ABCD2: variants seen among roughly 807,000 people sequenced by gnomAD.
ABCD2 encodes ATP-binding cassette sub-family D member 2.
A neutral mutation model predicts 70.9 loss-of-function variants in ABCD2; 36 were observed. The ratio of observed to expected loss-of-function variants is 0.51; its 90% CI spans 0.39 to 0.67. The LOEUF is 0.67. ABCD2 is among the 30% of genes least tolerant of loss of function. ABCD2 has a pLI of 0.00. For synonymous variants in ABCD2, 304 were observed against 306.9 expected, an observed-to-expected ratio of 0.99 and a Z score of 0.10; for missense variants, 729 against 890.2, an observed-to-expected ratio of 0.82 and a Z score of 2.30.
chr12:39,589,134 T>C (rs998914914), intron 6 of ABCD2, among the ~76,000 whole-genome samples: 5 of 152,154 alleles, frequency 3.3e-5, no homozygotes, highest in Non-Finnish European at 7.4e-5. Flanking sequence ...TGTGTGTGTA[T>C]GCCTGGAGAG....
intron 9 of ABCD2, among the ~76,000 whole-genome samples, chr12:39,559,282 C>G (rs184741100): frequency 3.1e-4 from 45 of 145,672 alleles, no homozygotes; most frequent in Non-Finnish European, 3.9e-4. Flanking sequence ...TGAGGCAGGG[C>G]AGGAGAATTG....
downstream of ABCD2, among the ~76,000 whole-genome samples, chr12:39,547,230 C>A (rs1445268410): frequency 6.6e-6 from 1 of 151,986 alleles, no homozygotes; most frequent in Non-Finnish European, 1.5e-5. Flanking sequence ...AGCCCTTGTG[C>A]ACTGTTAGTA....
intron 7 of ABCD2, among the ~76,000 whole-genome samples, 168 bp from the exon 8 acceptor site, chr12:39,579,787 TG>T (rs1941571624): frequency 6.6e-6 from 1 of 152,194 alleles, no homozygotes; most frequent in Non-Finnish European, 1.5e-5. Flanking sequence ...ATAAGCATTT[TG>T]TTTTAGATTT....
chr12:39,543,843 A>G, the ABCD2 span, among the ~76,000 whole-genome samples: 1 of 152,206 alleles, frequency 6.6e-6, no homozygotes, highest in African/African-American at 2.4e-5. Context: ...ACTACTATGC[A>G]TCAGACACTG....
Position 39,604,899 on chromosome 12 carries a change from A to T in ABCD2, c.1268T>A (p.Val423Glu). 1.9e-6 allele frequency: 3 copies of T among 1,609,784 alleles called. No individual in the cohort carries two copies. The highest frequency in any genetic ancestry group is 1.7e-6 in the Non-Finnish European group (2 of 1,178,322). ...ATCAAAGACCCAAAACATATTGTAC[A>T]CTCGAGCAGTGTAGCCTGCTAATTC... ...VTELAGYTARVYNMFWVFDEV... is the reference protein window; with the variant it reads ...VTELAGYTAREYNMFWVFDEV... The change falls in exon 4 of 10, where the codon GTG becomes GAG. Residue 423 changes from valine to glutamate, a missense_variant. Physicochemically the swap from Val to Glu is moderately radical, Grantham distance 121. Around this residue, in one of 3 missense-constraint regions of ABCD2, gnomAD observed 195 missense variants for 300.2 expected, o/e 0.65. Transcript: ENST00000308666.
intron 9 of ABCD2, among the ~76,000 whole-genome samples, chr12:39,568,484 C>G (rs1020376199): frequency 2.0e-5 from 3 of 152,176 alleles, no homozygotes; most frequent in Non-Finnish European, 4.4e-5. Flanking sequence ...CCCTCAGGTC[C>G]TTTAAGGACT....
At chr12:39,613,385 CAAAAAAAAAAAAAAAA>C (rs71075064) in intron 2 of ABCD2, among the ~76,000 whole-genome samples, 1 of 23,608 alleles carries the variant, frequency 4.2e-5, no homozygotes, top group African/African-American at 3.1e-4. Flanking sequence ...GACTCCGTCT[CAAAAAAAAAAAAAAAA>C]AAAAAAAAAA....
At chr12:39,540,551 C>G in the ABCD2 span, among the ~76,000 whole-genome samples, 2 of 152,174 alleles carry the variant, frequency 1.3e-5, no homozygotes, top group East Asian at 3.8e-4. Flanking sequence ...AGATATTTTT[C>G]TTCTAGGCCC....
chr12:39,573,326 G>T (rs1203855703), intron 9 of ABCD2, among the ~76,000 whole-genome samples: 4 of 151,906 alleles, frequency 2.6e-5, no homozygotes, highest in Non-Finnish European at 5.9e-5. Flanking sequence ...TTAATCCTTT[G>T]GGGGAGTATC....
intron 6 of ABCD2, among the ~76,000 whole-genome samples, chr12:39,595,010 G>A (rs566310843): frequency 6.6e-6 from 1 of 152,146 alleles, no homozygotes; most frequent in Non-Finnish European, 1.5e-5. Flanking sequence ...AGGCTGCAGT[G>A]AGCCAAGATT....
At chr12:39,618,150 T>C (rs1413034757) in intron 1 of ABCD2, among the ~76,000 whole-genome samples, 2 of 152,144 alleles carry the variant, frequency 1.3e-5, no homozygotes, top group Non-Finnish European at 2.9e-5. Context: ...TCTCCTACGC[T>C]TCTTGGGAAT....
intron 9 of ABCD2, among the ~76,000 whole-genome samples, chr12:39,559,556 C>A (rs1312416125): frequency 6.6e-6 from 1 of 151,754 alleles, no homozygotes; most frequent in Non-Finnish European, 1.5e-5. Context: ...CATACTCAAT[C>A]CAAATAAGAC....
chr12:39,559,199 C>T (rs1349374422), intron 9 of ABCD2, among the ~76,000 whole-genome samples: 1 of 151,486 alleles, frequency 6.6e-6, no homozygotes, highest in Non-Finnish European at 1.5e-5. Context: ...CTGGTGAAAC[C>T]CTGTCTCTAC....
downstream of ABCD2, among the ~76,000 whole-genome samples, chr12:39,549,079 T>G (rs1591959353): frequency 6.6e-6 from 1 of 152,064 alleles, no homozygotes; most frequent in East Asian, 1.9e-4. Flanking sequence ...TTTTACATGA[T>G]CTGAACTTGA....
At chr12:39,536,663 T>G in the ABCD2 span, among the ~76,000 whole-genome samples, 1 of 152,156 alleles carries the variant, frequency 6.6e-6, no homozygotes, top group Non-Finnish European at 1.5e-5. Flanking sequence ...TTAGAGCATT[T>G]TAGGAATCGT....
intron 2 of ABCD2, among the ~76,000 whole-genome samples, chr12:39,613,764 T>C (rs1364619700): frequency 2.0e-5 from 3 of 152,242 alleles, no homozygotes; most frequent in Non-Finnish European, 1.5e-5. Context: ...CCAGATGGCC[T>C]TTAAGCTCCT....
intron 8 of ABCD2, among the ~76,000 whole-genome samples, chr12:39,576,778 G>A (rs1941523250): frequency 1.3e-5 from 2 of 152,164 alleles, no homozygotes; most frequent in Non-Finnish European, 2.9e-5. Flanking sequence ...AAGGGAGGAT[G>A]AGTAAACTTC....
chr12:39,531,940 G>A, the ABCD2 span, among the ~76,000 whole-genome samples: 1 of 152,212 alleles, frequency 6.6e-6, no homozygotes, highest in African/African-American at 2.4e-5. Flanking sequence ...GTTTTCTAAA[G>A]CTTTGACTGC....
At chr12:39,555,299 T>C (rs1377373426) in intron 9 of ABCD2, among the ~76,000 whole-genome samples, 1 of 152,200 alleles carries the variant, frequency 6.6e-6, no homozygotes, top group African/African-American at 2.4e-5. Flanking sequence ...ATATGTGGCC[T>C]TTTGTGACTG....
Sources: gnomAD v4.1 joint callset for allele counts (sites outside exome capture counted in the v4.1 genomes callset) on GRCh38, gnomAD v4.1.1 for gene constraint, gnomAD v4.1.1 regional missense constraint, MANE v1.5 for transcripts, NCBI Gene and HGNC (gene_info 2026-07-23, HGNC 2026-07-21) for gene names.